The following DLGAP2 variants were observed in gnomAD, a reference collection of about 807,000 sequenced individuals.
DLGAP2 encodes DLG associated protein 2.
DLGAP2 carries 26 observed loss-of-function variants against 100.3 expected under a neutral mutation model. The observed-to-expected ratio is 0.26, with a 90% CI of 0.19 to 0.36. The LOEUF (loss-of-function observed/expected upper bound fraction) is 0.36. Ranked by LOEUF, DLGAP2 falls within the 10% of genes least tolerant of loss-of-function variation. The pLI is 1.00. For synonymous variants in DLGAP2, 886 were observed against 630.1 expected (o/e 1.41, Z -6.08); for missense variants, 1,858 against 1,453.2 (o/e 1.28, Z -4.53).
At chr8:874,991 A>G (rs1264877105) in intron 1 of DLGAP2, among the ~76,000 whole-genome samples, 2 of 152,124 alleles carry the variant, frequency 1.3e-5, no homozygotes, top group Non-Finnish European at 2.9e-5. Flanking sequence ...TCTCTTTTAT[A>G]GTTAGTTCCT....
intron 2 of DLGAP2, among the ~76,000 whole-genome samples, chr8:1,155,655 C>G (rs951180102): frequency 2.0e-4 from 30 of 152,084 alleles, no homozygotes; most frequent in African/African-American, 7.0e-4. Context: ...TTCCGGACTC[C>G]GAGACCCCCA....
chr8:1,033,394 T>A (rs998714123), intron 2 of DLGAP2, among the ~76,000 whole-genome samples: 9 of 152,066 alleles, frequency 5.9e-5, no homozygotes, highest in Admixed American at 3.3e-4. Context: ...TTGGGGGTGG[T>A]GGTGGCTCAC....
At chr8:1,123,235 C>T (rs1487308028) in intron 2 of DLGAP2, among the ~76,000 whole-genome samples, 1 of 152,156 alleles carries the variant, frequency 6.6e-6, no homozygotes, top group East Asian at 1.9e-4. Flanking sequence ...ATGGCTTTTG[C>T]ATTCTAAAAT....
chr8:899,843 C>T lies in DLGAP2; in HGVS notation c.19-8069C>T, dbSNP rs572610723. ...CACATTCAGTGGCGTGGTGTAACTG[C>T]ACGTATTTCACAGACACACCACTTA... is the stretch of plus-strand genomic sequence containing the variant. On this transcript the variant is annotated intron_variant, in intron 1 of 14. Transcript: ENST00000637795. Among the ~76,000 whole-genome samples, 3 of 152,258 alleles carry T rather than the reference C, an allele frequency of 2.0e-5. No homozygotes were observed. The South Asian group carries it at 6.2e-4, about 32-fold the overall frequency.
chr8:1,123,076 TA>T (rs1440446928), intron 2 of DLGAP2, among the ~76,000 whole-genome samples: 2 of 152,194 alleles, frequency 1.3e-5, no homozygotes, highest in Non-Finnish European at 1.5e-5. Flanking sequence ...TATTTGAAAA[TA>T]ACTATGCAAA....
intron 1 of DLGAP2, among the ~76,000 whole-genome samples, chr8:845,259 C>T (rs974297408): frequency 7.2e-5 from 11 of 152,184 alleles, no homozygotes; most frequent in Non-Finnish European, 1.3e-4. Context: ...ACGTTTCTGC[C>T]AGTCGTATAG....
rs1245594135 is a variant in DLGAP2 at position 1,648,437 on chromosome 8, G to C, written c.1810+15391G>C. Among the ~76,000 whole-genome samples, 7 of 152,134 alleles carry C rather than the reference G, an allele frequency of 4.6e-5. No individual in the cohort carries two copies. In the East Asian group the frequency reaches 1.4e-3, roughly 29 times the overall value. ...TCTAAGTTCCCACCCCTCCTGCGTGGTGTACTGTGAAATTCAGCCTCTGTC... is the reference window on the plus strand; with the variant it reads ...TCTAAGTTCCCACCCCTCCTGCGTGCTGTACTGTGAAATTCAGCCTCTGTC... On this transcript the variant is annotated intron_variant, in intron 8 of 14. Coordinates refer to ENST00000637795, the MANE Select transcript of DLGAP2 (RefSeq NM_001346810.2).
At chr8:958,697 A>G (rs1799653386) in intron 2 of DLGAP2, among the ~76,000 whole-genome samples, 1 of 151,976 alleles carries the variant, frequency 6.6e-6, no homozygotes, top group African/African-American at 2.4e-5. Flanking sequence ...TTTAGGGCAT[A>G]TTTCTGTATC....
chr8:1,386,918 T>A (rs1443058956), intron 3 of DLGAP2, among the ~76,000 whole-genome samples: 2 of 152,150 alleles, frequency 1.3e-5, no homozygotes, highest in African/African-American at 4.8e-5. Context: ...AAGTAATAAC[T>A]CCAGGGAAGG....
At chr8:957,484 C>G (rs150577114) in intron 2 of DLGAP2, among the ~76,000 whole-genome samples, 2,168 of 152,320 alleles carry the variant, frequency 0.014, 49 homozygotes, top group African/African-American at 0.049. Context: ...AAAACACCAG[C>G]CTAGAGATGC....
chr8:1,564,331 A>T (rs978751386), intron 5 of DLGAP2, among the ~76,000 whole-genome samples: 1 of 152,134 alleles, frequency 6.6e-6, no homozygotes, highest in African/African-American at 2.4e-5. Flanking sequence ...TTCCAGTTTC[A>T]CAGATGGTGG....
In DLGAP2 at chr8:1,163,233, C is replaced by T. The variant is rs141809249; in HGVS notation, c.74-95618C>T. ...GAAAAACTGACGATGGCAGCTGCGC[C>T]TCCTCCCAATCGCCTCCCTCTGGGG... On this transcript the variant is annotated intron_variant, in intron 2 of 14. Transcript: ENST00000637795. 3.6e-3 allele frequency among the ~76,000 whole-genome samples: 548 copies of T among 152,336 alleles called. 2 individuals are homozygous for T. Among genetic ancestry groups the T allele is most frequent in the Non-Finnish European group, 4.8e-3 (327 of 68,026 alleles).
intron 3 of DLGAP2, among the ~76,000 whole-genome samples, chr8:1,376,924 T>G (rs1243799238): frequency 1.3e-5 from 2 of 152,232 alleles, no homozygotes; most frequent in Non-Finnish European, 2.9e-5. Flanking sequence ...TGGCCCCTTC[T>G]GCAGACGCAG....
chr8:1,199,938 C>CCA (rs1477038555), intron 2 of DLGAP2, among the ~76,000 whole-genome samples: 1 of 67,356 alleles, frequency 1.5e-5, no homozygotes, highest in Non-Finnish European at 3.2e-5. Context: ...TGGAAGGATT[C>CCA]CCCCCCACAA....
chr8:949,574 G>A (rs990108544), intron 2 of DLGAP2, among the ~76,000 whole-genome samples: 1 of 152,202 alleles, frequency 6.6e-6, no homozygotes, highest in Non-Finnish European at 1.5e-5. Flanking sequence ...ACGTGGGCGC[G>A]TGCCAGGGCG....
intron 6 of DLGAP2, among the ~76,000 whole-genome samples, chr8:1,614,375 C>T (rs545115203): frequency 6.6e-6 from 1 of 152,238 alleles, no homozygotes; most frequent in Admixed American, 6.5e-5. Context: ...TGGCAGAGAC[C>T]TCACAGTCAG....
chr8:1,088,629 T>C (rs1478055946), intron 2 of DLGAP2, among the ~76,000 whole-genome samples: 5 of 152,168 alleles, frequency 3.3e-5, no homozygotes, highest in Admixed American at 2.6e-4. Flanking sequence ...GAACGTTACT[T>C]GCTCCCACCA....
At chr8:1,645,681 A>G (rs1015703927) in intron 8 of DLGAP2, among the ~76,000 whole-genome samples, 6 of 152,204 alleles carry the variant, frequency 3.9e-5, no homozygotes, top group Admixed American at 2.0e-4. Context: ...ACTATGTATT[A>G]CCTTAAAAGG....
chr8:861,089 T>C (rs1797379821), intron 1 of DLGAP2, among the ~76,000 whole-genome samples: 1 of 151,864 alleles, frequency 6.6e-6, no homozygotes, highest in African/African-American at 2.4e-5. Context: ...AGTGGGGCAG[T>C]GAGGTGGGAG....
Sources: gnomAD v4.1 joint callset for allele counts (sites outside exome capture counted in the v4.1 genomes callset) on GRCh38, gnomAD v4.1.1 for gene constraint, MANE v1.5 for transcripts, NCBI Gene and HGNC (gene_info 2026-07-23, HGNC 2026-07-21) for gene names.